OCA2: variants seen among roughly 807,000 people sequenced by gnomAD.
OCA2 encodes the protein P protein.
Under a neutral mutation model 100.2 loss-of-function variants are expected in OCA2, and 77 were observed. The ratio of observed to expected loss-of-function variants is 0.77; its 90% CI spans 0.64 to 0.93. The LOEUF (loss-of-function observed/expected upper bound fraction) is 0.93, where lower values mean the gene tolerates loss of function less well. Ranked by LOEUF, OCA2 falls within the 40% of genes least tolerant of loss-of-function variation. OCA2 has a pLI of 0.00. For missense variants in OCA2, 1,062 were observed against 1,089.1 expected, an observed-to-expected ratio of 0.98 and a Z score of 0.35; for synonymous variants, 432 against 439.2, an observed-to-expected ratio of 0.98 and a Z score of 0.21.
chr15:27,982,821 T>C (rs1409272410), intron 14 of OCA2, among the ~76,000 whole-genome samples: 1 of 152,228 alleles, frequency 6.6e-6, no homozygotes, highest in Non-Finnish European at 1.5e-5. Context: ...CTTGAAGATA[T>C]GTAGAATACC....
intron 4 of OCA2, among the ~76,000 whole-genome samples, chr15:28,027,251 G>A (rs775231193): frequency 2.6e-5 from 4 of 151,782 alleles, no homozygotes; most frequent in East Asian, 1.9e-4. Flanking sequence ...TCCCACGCCC[G>A]CCGTCCCCCT....
chr15:27,896,228 ATTCCCTGG>A lies in OCA2; in HGVS notation c.2080-24314_2080-24307del, dbSNP rs991886491. 2.2e-5 allele frequency: 22 copies of A among 994,102 alleles called. 1 individual carries two copies. In the Admixed American group the frequency reaches 2.7e-4, roughly 12 times the overall value. The allele number at this position is 994,102 out of a possible 1,614,324, so 61.6% of individuals were successfully genotyped here. On this transcript the variant is annotated intron_variant, in intron 19 of 23. Transcript: ENST00000354638. Reference sequence around the variant, plus strand: ...TGTCTATCCCTCACAGTACCAAATGATTCCCTGGTTATGGTTCTGAAAGCAAGGAATTT... The same window carrying A: ...TGTCTATCCCTCACAGTACCAAATGATTATGGTTCTGAAAGCAAGGAATTT...
At chr15:27,901,409 A>G (rs1278328660) in intron 19 of OCA2, among the ~76,000 whole-genome samples, 2 of 152,278 alleles carry the variant, frequency 1.3e-5, no homozygotes, top group African/African-American at 4.8e-5. Context: ...GAACAAGGTC[A>G]CTGAATCTCC....
chr15:27,847,171 G>A (rs969161780), intron 22 of OCA2, among the ~76,000 whole-genome samples: 2 of 152,162 alleles, frequency 1.3e-5, no homozygotes, highest in South Asian at 2.1e-4. Context: ...TCGTTAAGTC[G>A]CACAGAGCCC....
intron 23 of OCA2, 29 bp from the exon 24 acceptor site, chr15:27,755,501 C>T (rs1253189536): frequency 6.4e-7 from 1 of 1,552,098 alleles, no homozygotes; most frequent in Non-Finnish European, 8.9e-7. Flanking sequence ...TGAGTTATGG[C>T]ATCTGAAATC....
At chr15:28,054,024 ATATG>A (rs2043601923) in intron 2 of OCA2, among the ~76,000 whole-genome samples, 1 of 152,160 alleles carries the variant, frequency 6.6e-6, no homozygotes, top group Non-Finnish European at 1.5e-5. Context: ...AAATGTGTAT[ATATG>A]TATGTGTATA....
intron 9 of OCA2, among the ~76,000 whole-genome samples, chr15:28,005,844 A>G (rs17651990): frequency 0.041 from 6,271 of 152,284 alleles, 224 homozygotes; most frequent in South Asian, 0.13. Context: ...CCTTTTCAGA[A>G]TCAACATAGA....
chr15:27,749,877 A>G (rs2030010903), downstream of OCA2, among the ~76,000 whole-genome samples: 1 of 152,246 alleles, frequency 6.6e-6, no homozygotes, highest in Admixed American at 6.5e-5. Flanking sequence ...CAAGGGATGG[A>G]AAGTTCAACA....
chr15:28,062,889 T>G (rs934143817), intron 2 of OCA2, among the ~76,000 whole-genome samples: 2 of 152,132 alleles, frequency 1.3e-5, no homozygotes, highest in African/African-American at 4.8e-5. Flanking sequence ...ATTTCTGGAG[T>G]CTTGATCCTC....
In OCA2 at chr15:28,080,784, T is replaced by C. The variant is rs367762415; in HGVS notation, c.227+864A>G. ...AAAGACAGTCAGAGACACCTACTCA[T>C]AGGATGCTGCTTTTCTCATTACAAG... On this transcript the variant is annotated intron_variant, in intron 2 of 23. Transcript: ENST00000354638. Among the ~76,000 whole-genome samples, 63 of 152,352 alleles carry C rather than the reference T, an allele frequency of 4.1e-4. No individual in the cohort carries two copies. In the East Asian group the frequency reaches 7.5e-3, roughly 18 times the overall value.
At chr15:28,074,302 G>T (rs1202937580) in intron 2 of OCA2, among the ~76,000 whole-genome samples, 1 of 152,120 alleles carries the variant, frequency 6.6e-6, no homozygotes, top group East Asian at 1.9e-4. Context: ...ACTTTGGGAG[G>T]CCGAGGTGGG....
chr15:27,770,557 A>G (rs1189907563), intron 23 of OCA2, among the ~76,000 whole-genome samples: 1 of 149,626 alleles, frequency 6.7e-6, no homozygotes, highest in Non-Finnish European at 1.5e-5. Flanking sequence ...CCGCCGGGGA[A>G]GGTCCCCGAT....
chr15:28,003,184 A>G (rs1166175836), intron 9 of OCA2, among the ~76,000 whole-genome samples: 1 of 152,232 alleles, frequency 6.6e-6, no homozygotes, highest in Non-Finnish European at 1.5e-5. Flanking sequence ...ACAAATTCCT[A>G]TTGTATATGG....
intron 11 of OCA2, among the ~76,000 whole-genome samples, chr15:27,988,435 C>T (rs529158403): frequency 1.3e-5 from 2 of 152,158 alleles, no homozygotes; most frequent in East Asian, 3.9e-4. Flanking sequence ...TAGGGTGAGC[C>T]CTCATTCAGT....
At chr15:27,958,709 T>C (rs1445967692) in intron 15 of OCA2, among the ~76,000 whole-genome samples, 1 of 152,234 alleles carries the variant, frequency 6.6e-6, no homozygotes, top group Non-Finnish European at 1.5e-5. Context: ...TCTATTTTAC[T>C]GTTAAAAACA....
intron 2 of OCA2, among the ~76,000 whole-genome samples, chr15:28,059,763 T>A (rs1457034071): frequency 2.0e-5 from 3 of 152,230 alleles, no homozygotes; most frequent in Non-Finnish European, 4.4e-5. Context: ...TGGGCAGAGC[T>A]GGAACACGCA....
At chr15:27,885,256 A>C (rs1437360749) in intron 19 of OCA2, among the ~76,000 whole-genome samples, 1 of 152,180 alleles carries the variant, frequency 6.6e-6, no homozygotes, top group Admixed American at 6.5e-5. Flanking sequence ...TATTATATGC[A>C]ACCTATAAAT....
At chr15:28,068,267 G>A (rs1164908011) in intron 2 of OCA2, among the ~76,000 whole-genome samples, 5 of 152,110 alleles carry the variant, frequency 3.3e-5, no homozygotes, top group African/African-American at 4.8e-5. Flanking sequence ...CAGAAATGAC[G>A]AAGATGACAT....
chr15:27,751,625 C>T (rs1312841934), downstream of OCA2, among the ~76,000 whole-genome samples: 1 of 152,234 alleles, frequency 6.6e-6, no homozygotes, highest in Non-Finnish European at 1.5e-5. Context: ...GTGCAGCTCA[C>T]AGGTCCAGGT....
Sources: allele counts gnomAD v4.1 joint callset (sites outside exome capture counted in the v4.1 genomes callset), GRCh38; gene constraint gnomAD v4.1.1; transcripts MANE v1.5; gene names NCBI Gene and HGNC (gene_info 2026-07-23, HGNC 2026-07-21).